The following POT1 variants were observed in gnomAD, a reference collection of about 807,000 sequenced individuals.
POT1 encodes the protein protection of telomeres 1, also known as protection of telomeres protein 1.
POT1 carries 47 observed loss-of-function variants against 78.5 expected under a neutral mutation model. The ratio of observed to expected loss-of-function variants is 0.60; its 90% CI spans 0.47 to 0.76. The LOEUF (loss-of-function observed/expected upper bound fraction) is 0.76. POT1 is among the 30% of genes least tolerant of loss of function. POT1 has a pLI of 0.00. For synonymous variants in POT1, 259 were observed against 260.7 expected (o/e 0.99, Z 0.06); for missense variants, 646 against 749.9 (o/e 0.86, Z 1.62).
At chr7:124,909,687 T>C (rs1796845042) in intron 3 of POT1, among the ~76,000 whole-genome samples, 1 of 151,902 alleles carries the variant, frequency 6.6e-6, no homozygotes, top group Non-Finnish European at 1.5e-5. Flanking sequence ...GTAGTTCTAT[T>C]CTATTTTAAT....
Position 124,846,308 on chromosome 7 carries a change from C to A in POT1, c.1006+634G>T, listed in dbSNP as rs546401641. Among the ~76,000 whole-genome samples, 8 of 152,246 alleles carry A rather than the reference C, an allele frequency of 5.3e-5. No individual in the cohort carries two copies. The South Asian group carries it at 1.7e-3, about 32-fold the overall frequency. The stretch of plus-strand genomic sequence containing the variant: ...CATAATGGTACCTCCAATTACAACA[C>A]AACATTAAAAGATTTCATCAATCCT... On this transcript the variant is annotated intron_variant, in intron 12 of 18. Coordinates refer to ENST00000357628, the MANE Select transcript of POT1 (RefSeq NM_015450.3).
intron 3 of POT1, among the ~76,000 whole-genome samples, chr7:124,914,160 T>C (rs1796958741): frequency 1.4e-5 from 2 of 147,544 alleles, no homozygotes; most frequent in South Asian, 4.3e-4. Flanking sequence ...AAAAAGAGTA[T>C]GGGTTTATTT....
chr7:124,884,620 G>GA (rs1186487961), intron 6 of POT1, among the ~76,000 whole-genome samples: 1 of 94,306 alleles, frequency 1.1e-5, no homozygotes, highest in Non-Finnish European at 2.3e-5. Context: ...ATAAAAGAAA[G>GA]AAGGACTCAA....
intron 2 of POT1, among the ~76,000 whole-genome samples, chr7:124,919,079 G>C (rs372218442): frequency 6.6e-6 from 1 of 152,124 alleles, no homozygotes; most frequent in African/African-American, 2.4e-5. Context: ...AGATTGTACA[G>C]CCTACTATAC....
At chr7:124,824,154 A>G in intron 18 of POT1, 80 bp from the exon 19 acceptor site, 2 of 754,830 alleles carry the variant, frequency 2.6e-6, no homozygotes, top group South Asian at 3.8e-5. Flanking sequence ...TAAGCTTACC[A>G]CTGAGCTAGA....
chr7:124,924,507 C>G (rs1350923031), intron 2 of POT1, among the ~76,000 whole-genome samples: 3 of 100,284 alleles, frequency 3.0e-5, no homozygotes, highest in Non-Finnish European at 4.4e-5. Flanking sequence ...AAAAGAAAGT[C>G]CAGGACCAGA....
In POT1 at chr7:124,919,032, T is replaced by C. The variant is rs150915532; in HGVS notation, c.-226-3386A>G. ...AAAAATGTGTTGTCAGGCAATTTCG[T>C]CTTTGTGTGAACATCAGAGTATGCC... On this transcript the variant is annotated intron_variant, in intron 2 of 18. Coordinates refer to ENST00000357628, the MANE Select transcript of POT1 (RefSeq NM_015450.3). Among the ~76,000 whole-genome samples, 12 of 152,274 alleles carry C rather than the reference T, an allele frequency of 7.9e-5. No homozygotes were observed. In the East Asian group the frequency reaches 1.9e-3, roughly 24 times the overall value.
rs1486427546 is a variant in POT1 at position 124,897,180 on chromosome 7, T to C, written c.-7A>G. The C allele has an allele frequency of 1.4e-6, 2 of 1,454,412 alleles. No individual in the cohort carries two copies. The highest frequency in any genetic ancestry group is 2.4e-5 in the South Asian group (2 of 82,826). The allele number at this position is 1,454,412 out of a possible 1,614,324, so 90.1% of individuals were successfully genotyped here. Reference sequence around the variant, plus strand: ...ATCATCTTACCAAAGACATTGATTCTGTAGAAAAATCTCTTAAAGATTTGA... The same window carrying C: ...ATCATCTTACCAAAGACATTGATTCCGTAGAAAAATCTCTTAAAGATTTGA... On this transcript the variant is annotated 5_prime_UTR_variant, in exon 5 of 19. Transcript: ENST00000357628.
chr7:124,908,482 T>C (rs547660122), intron 3 of POT1, among the ~76,000 whole-genome samples: 93 of 152,088 alleles, frequency 6.1e-4, no homozygotes, highest in Admixed American at 2.0e-3. Context: ...TTCTGTCTTC[T>C]CAAAATTCAT....
intron 3 of POT1, among the ~76,000 whole-genome samples, chr7:124,903,343 C>T (rs1275937687): frequency 6.6e-6 from 1 of 152,146 alleles, no homozygotes; most frequent in Non-Finnish European, 1.5e-5. Flanking sequence ...ACAGTGTAAT[C>T]AAATTAGAAC....
At chr7:124,836,901 C>T (rs1584754368) in intron 14 of POT1, among the ~76,000 whole-genome samples, 1 of 152,116 alleles carries the variant, frequency 6.6e-6, no homozygotes, top group African/African-American at 2.4e-5. Flanking sequence ...CCACTAATGC[C>T]TAAATCAGTG....
intron 2 of POT1, among the ~76,000 whole-genome samples, chr7:124,921,531 CTA>C (rs1161220053): frequency 7.6e-6 from 1 of 132,270 alleles, no homozygotes; most frequent in Non-Finnish European, 1.7e-5. Flanking sequence ...TAACAAACGT[CTA>C]TACGAAGAAT....
At chr7:124,859,791 AAATAG>A (rs1345939767) in intron 8 of POT1, among the ~76,000 whole-genome samples, 2 of 151,666 alleles carry the variant, frequency 1.3e-5, no homozygotes, top group African/African-American at 2.4e-5. Flanking sequence ...ATATTAAAAC[AAATAG>A]AATATATACA....
chr7:124,910,042 T>C (rs1796854680), intron 3 of POT1, among the ~76,000 whole-genome samples: 1 of 151,874 alleles, frequency 6.6e-6, no homozygotes, highest in South Asian at 2.1e-4. Flanking sequence ...CATACAGGCT[T>C]ATCCATGCCC....
intron 6 of POT1, among the ~76,000 whole-genome samples, chr7:124,885,008 T>C (rs567173608): frequency 6.6e-6 from 1 of 152,314 alleles, no homozygotes; most frequent in Admixed American, 6.5e-5. Flanking sequence ...AAAAACTGCA[T>C]ACCTAATACT....
intron 9 of POT1, among the ~76,000 whole-genome samples, chr7:124,854,578 A>G (rs943640406): frequency 1.3e-5 from 2 of 151,950 alleles, no homozygotes; most frequent in Non-Finnish European, 2.9e-5. Flanking sequence ...CCACACTCCC[A>G]GGTGCTACTC....
intron 12 of POT1, among the ~76,000 whole-genome samples, chr7:124,843,693 C>A (rs1225128816): frequency 1.3e-5 from 2 of 152,152 alleles, no homozygotes; most frequent in Admixed American, 6.5e-5. Context: ...TATAAAATTG[C>A]TGGTGACCCT....
At chr7:124,929,692 C>G (rs761735037) in intron 1 of POT1, 102 bp downstream of exon 1, 3 of 152,128 alleles carry the variant, frequency 2.0e-5, no homozygotes, top group Non-Finnish European at 4.4e-5. Flanking sequence ...CGTTTCTCTG[C>G]GATAATTACA....
At chr7:124,896,851 G>A (rs998590840) in intron 5 of POT1, among the ~76,000 whole-genome samples, 2 of 151,500 alleles carry the variant, frequency 1.3e-5, no homozygotes, top group Non-Finnish European at 3.0e-5. Context: ...TTTGCCTATG[G>A]TTTATAACAA....
Sources: gnomAD v4.1 joint callset for allele counts (sites outside exome capture counted in the v4.1 genomes callset) on GRCh38, gnomAD v4.1.1 for gene constraint, MANE v1.5 for transcripts, NCBI Gene and HGNC (gene_info 2026-07-23, HGNC 2026-07-21) for gene names.